FRMPD3: variants seen among roughly 807,000 people sequenced by gnomAD.
FRMPD3 encodes FERM and PDZ domain-containing protein 3.
Under a neutral mutation model 97.9 loss-of-function variants are expected in FRMPD3, and 42 were observed. The ratio of observed to expected loss-of-function variants is 0.43; its 90% confidence interval spans 0.34 to 0.55. The LOEUF is 0.55. Among genes scored for constraint, FRMPD3 ranks in the 20% least tolerant of loss-of-function variants. The pLI is 0.03. For synonymous variants in FRMPD3, 577 were observed against 581.1 expected, an observed-to-expected ratio of 0.99 and a Z score of 0.10; for missense variants, 1,303 against 1,457.7, an observed-to-expected ratio of 0.89 and a Z score of 1.73.
At position 107,485,072 on chromosome X, in the gene FRMPD3, C is replaced by T. The variant is rs772105616; in HGVS notation, c.-8+35067C>T. Among the ~76,000 whole-genome samples, 14 of 112,740 alleles carry T rather than the reference C, an allele frequency of 1.2e-4. 1 individual carries two copies. Among genetic ancestry groups the T allele is most frequent in the African/African-American group, 4.5e-4 (14 of 31,085 alleles). On this transcript the variant is annotated intron_variant, in intron 1 of 14. Coordinates refer to ENST00000683843, the MANE Select transcript of FRMPD3 (RefSeq NM_001388459.1). ...TCTGTTTGTTCTGTATCAGAAATGT[C>T]TGTTTCCTGGTTCTTCTGAACTCTC... is the stretch of plus-strand genomic sequence containing the variant.
rs533283756 is a variant in FRMPD3, at chrX:107,497,204, C to T, written c.-7-29378C>T. On this transcript the variant is annotated intron_variant, in intron 1 of 14. Coordinates refer to ENST00000683843, the MANE Select transcript of FRMPD3 (RefSeq NM_001388459.1). The stretch of plus-strand genomic sequence containing the variant: ...ACCTTCCCAGGGAAGAAACTGGGAA[C>T]CCCAGCTTTTGGTTTTATTTTAGGA... Among the ~76,000 whole-genome samples, 16 of 112,929 alleles carry T rather than the reference C, an allele frequency of 1.4e-4. No individual in the cohort carries two copies. In the South Asian group the frequency reaches 5.5e-3, roughly 39 times the overall value.
chrX:107,499,005 A>G (rs1164725398), intron 1 of FRMPD3, among the ~76,000 whole-genome samples: 4 of 110,352 alleles, frequency 3.6e-5, no homozygotes, highest in Non-Finnish European at 7.6e-5. Context: ...TCTTCCCCAC[A>G]CATCCCTCTC....
At chrX:107,589,354 T>A (rs1021122816) in intron 13 of FRMPD3, among the ~76,000 whole-genome samples, 1 of 111,170 alleles carries the variant, frequency 9.0e-6, no homozygotes, top group Non-Finnish European at 1.9e-5. Context: ...CCCTCTTCCG[T>A]ACGGCTGCTG....
intron 13 of FRMPD3, among the ~76,000 whole-genome samples, chrX:107,582,672 C>T (rs773189065): frequency 1.8e-5 from 2 of 112,259 alleles, no homozygotes; most frequent in Admixed American, 9.5e-5. Flanking sequence ...GCTATTTCAC[C>T]ATAAATGTGA....
chrX:107,522,660 A>G (rs989646207), intron 1 of FRMPD3, among the ~76,000 whole-genome samples: 25 of 112,292 alleles, frequency 2.2e-4, no homozygotes, highest in Non-Finnish European at 1.1e-4. Context: ...AGAGGAGATA[A>G]TGGATGTGAA....
In FRMPD3 at chrX:107,601,488, A is replaced by G. The variant is rs867812758; in HGVS notation, c.3449A>G (p.His1150Arg). ...SRSHSPSCQP[H>R]GHSPSSQSRG... ...AGCCACAGCCCCAGCTGCCAGCCTC[A>G]TGGCCACAGCCCCAGCAGCCAGTCT... Residue 1150 changes from histidine (H) to arginine (R), a missense_variant, in exon 15 of 15, where the codon CAT becomes CGT. Transcript: ENST00000683843. The G allele has an allele frequency of 5.1e-6, 6 of 1,168,197 alleles. No homozygotes were observed. Among genetic ancestry groups the G allele is most frequent in the Non-Finnish European group, 6.9e-6 (6 of 874,955 alleles).
chrX:107,567,255 G>T (rs893258029), intron 12 of FRMPD3, among the ~76,000 whole-genome samples: 11 of 111,477 alleles, frequency 9.9e-5, no homozygotes, highest in African/African-American at 3.6e-4. Flanking sequence ...CAAAGTGCTG[G>T]GATTACAGGC....
At chrX:107,457,655 T>A (rs1028206795) in intron 1 of FRMPD3, among the ~76,000 whole-genome samples, 11 of 112,115 alleles carry the variant, frequency 9.8e-5, no homozygotes, top group African/African-American at 3.6e-4. Flanking sequence ...GCAACAGTGT[T>A]CTTGCCAAAG....
At chrX:107,492,477 G>A (rs1271216155) in intron 1 of FRMPD3, among the ~76,000 whole-genome samples, 2 of 111,786 alleles carry the variant, frequency 1.8e-5, no homozygotes, top group African/African-American at 3.3e-5. Flanking sequence ...AAGGGTTTCT[G>A]GGTACCAATG....
intron 13 of FRMPD3, among the ~76,000 whole-genome samples, chrX:107,590,281 T>A (rs5962403): frequency 0.056 from 6,249 of 112,107 alleles, 424 homozygotes; most frequent in African/African-American, 0.19. Flanking sequence ...TTGCCCCAGT[T>A]GGAACTTTCA....
chrX:107,496,550 A>C (rs762498527), intron 1 of FRMPD3, among the ~76,000 whole-genome samples: 9 of 112,295 alleles, frequency 8.0e-5, no homozygotes, highest in African/African-American at 2.9e-4. Context: ...TAATGGCTCT[A>C]AAGTTTCAAG....
chrX:107,593,484 T>A (rs55789503), intron 13 of FRMPD3, among the ~76,000 whole-genome samples: 11,365 of 111,471 alleles, frequency 0.1, 682 homozygotes, highest in Non-Finnish European at 0.15. Context: ...CAATGTCTAG[T>A]AGGGGTTTTC....
intron 4 of FRMPD3, chrX:107,545,066 G>GT (rs1260092859): frequency 5.4e-5 from 6 of 111,932 alleles, no homozygotes; most frequent in Non-Finnish European, 1.1e-4. Flanking sequence ...GGCGACAAGA[G>GT]TGAAACTCCG....
At position 107,603,448 on chromosome X, in the gene FRMPD3, G is replaced by A; in HGVS notation, c.*75G>A. ...AGCTTTGTGGTCCTTGCATCTTGTG[G>A]TGAGTGTGTGTGTGTCTGCTGGGCC... On this transcript the variant is annotated 3_prime_UTR_variant, in exon 15 of 15. Transcript: ENST00000683843. 1 of 1,105,404 alleles carries A rather than the reference G, an allele frequency of 9.0e-7. No homozygotes were observed. The highest frequency in any genetic ancestry group is 1.2e-6 in the Non-Finnish European group (1 of 843,633). The allele number at this position is 1,105,404 out of a possible 1,213,427, so 91.1% of individuals were successfully genotyped here.
chrX:107,491,712 A>T (rs1339833148), intron 1 of FRMPD3, among the ~76,000 whole-genome samples: 1 of 111,662 alleles, frequency 9.0e-6, no homozygotes, highest in East Asian at 2.8e-4. Flanking sequence ...GGGCATGAGC[A>T]AATGCCCTCC....
chrX:107,473,817 C>T (rs1382798603), intron 1 of FRMPD3, among the ~76,000 whole-genome samples: 1 of 112,606 alleles, frequency 8.9e-6, no homozygotes, highest in Non-Finnish European at 1.9e-5. Flanking sequence ...GGTGTGGTGG[C>T]TCACGCCTGT....
intron 13 of FRMPD3, among the ~76,000 whole-genome samples, chrX:107,577,559 G>A (rs1285173545): frequency 9.2e-6 from 1 of 108,761 alleles, no homozygotes; most frequent in Non-Finnish European, 1.9e-5. Flanking sequence ...TGAGACAGGA[G>A]AATCGCTTGA....
At chrX:107,575,400 A>G (rs1429919193) in intron 12 of FRMPD3, among the ~76,000 whole-genome samples, 2 of 112,027 alleles carry the variant, frequency 1.8e-5, no homozygotes, top group African/African-American at 6.5e-5. Context: ...ATAAGCACCA[A>G]TTAACAATAT....
At chrX:107,464,252 C>T (rs1931522226) in intron 1 of FRMPD3, among the ~76,000 whole-genome samples, 1 of 111,979 alleles carries the variant, frequency 8.9e-6, no homozygotes, top group Admixed American at 9.5e-5. Context: ...TCTTATACTT[C>T]TTTCCTCCTT....
Sources: allele counts gnomAD v4.1 joint callset (sites outside exome capture counted in the v4.1 genomes callset), GRCh38; gene constraint gnomAD v4.1.1; transcripts MANE v1.5; gene names NCBI Gene and HGNC (gene_info 2026-07-23, HGNC 2026-07-21).